The following JMJD1C variants were observed in gnomAD, a reference collection of about 807,000 sequenced individuals.
JMJD1C encodes the protein jumonji domain-containing protein 1C.
Under a neutral mutation model 245.3 loss-of-function variants are expected in JMJD1C, and 31 were observed. The ratio of observed to expected loss-of-function variants is 0.13; its 90% CI spans 0.09 to 0.17. JMJD1C has a LOEUF of 0.17. JMJD1C is among the 10% of genes least tolerant of loss of function. The pLI is 1.00. For missense variants in JMJD1C, 2,691 were observed against 3,000.2 expected (o/e 0.90, Z 2.41); for synonymous variants, 1,057 against 1,017.4 (o/e 1.04, Z -0.74).
chr10:63,373,559 C>T (rs2134446735), intron 2 of JMJD1C, among the ~76,000 whole-genome samples: 1 of 152,140 alleles, frequency 6.6e-6, no homozygotes, highest in African/African-American at 2.4e-5. Flanking sequence ...AAACAAGTAC[C>T]ACACGAGGAG....
At chr10:63,421,353 T>TC (rs1950116142) in intron 1 of JMJD1C, among the ~76,000 whole-genome samples, 1 of 152,018 alleles carries the variant, frequency 6.6e-6, no homozygotes. Flanking sequence ...GATGTAAACT[T>TC]AAGATGGCAA....
intron 2 of JMJD1C, among the ~76,000 whole-genome samples, chr10:63,287,510 C>T (rs78592316): frequency 0.03 from 4,552 of 152,102 alleles, 101 homozygotes; most frequent in Non-Finnish European, 0.045. Context: ...CCAAGTGATA[C>T]GGATAGTGAA....
intron 1 of JMJD1C, among the ~76,000 whole-genome samples, chr10:63,387,635 T>TTTTC (rs1947726470): frequency 9.3e-6 from 1 of 106,964 alleles, no homozygotes; most frequent in Non-Finnish European, 1.9e-5. Context: ...AAAAATTTTT[T>TTTTC]TTTTTTTTTT....
intron 3 of JMJD1C, among the ~76,000 whole-genome samples, chr10:63,257,621 C>A (rs1042496357): frequency 3.3e-5 from 5 of 152,104 alleles, no homozygotes; most frequent in Non-Finnish European, 7.3e-5. Context: ...AATTTTGTAC[C>A]TTATTGAATA....
In JMJD1C at chr10:63,176,348, A is replaced by T. The variant is rs780913996; in HGVS notation, c.7350T>A (p.Leu2450=). 6.2e-7 allele frequency: 1 copy of T among 1,614,046 alleles called. No homozygotes were observed. The highest frequency in any genetic ancestry group is 1.1e-5 in the South Asian group (1 of 91,082). The part of the protein sequence containing the change: ...LEEYGVRTCT[L]IQFLGDAIVL... ...CAATAGCATCACCAAGGAACTGAAT[A>T]AGAGTACAGGTTCTGACTCCATATT... Residue 2450 remains leucine (L), a synonymous_variant, in exon 24 of 26, where the codon CTT becomes CTA. Transcript: ENST00000399262.
intron 3 of JMJD1C, chr10:63,222,064 A>G (rs978528312): frequency 1.9e-5 from 9 of 474,162 alleles, no homozygotes; most frequent in African/African-American, 1.4e-4. Context: ...CTATTTTCAG[A>G]TATCTCTGAC....
intron 1 of JMJD1C, among the ~76,000 whole-genome samples, chr10:63,499,104 T>C (rs1297055465): frequency 1.3e-5 from 2 of 152,232 alleles, no homozygotes; most frequent in African/African-American, 2.4e-5. Flanking sequence ...ATATACCACA[T>C]TTCCTTTATT....
intron 2 of JMJD1C, among the ~76,000 whole-genome samples, chr10:63,295,760 T>C (rs1167081683): frequency 3.3e-5 from 5 of 151,910 alleles, no homozygotes; most frequent in East Asian, 1.9e-4. Context: ...AATTAGTAAA[T>C]ACTGAGCTAC....
chr10:63,430,261 T>C (rs1277484822), intron 1 of JMJD1C, among the ~76,000 whole-genome samples: 1 of 152,182 alleles, frequency 6.6e-6, no homozygotes, highest in Non-Finnish European at 1.5e-5. Context: ...CATATAAGAA[T>C]ATCTTTGTGA....
chr10:63,334,485 G>GT (rs1361436656), intron 2 of JMJD1C, among the ~76,000 whole-genome samples: 1 of 152,086 alleles, frequency 6.6e-6, no homozygotes, highest in Non-Finnish European at 1.5e-5. Context: ...ACTTTGGGAG[G>GT]TCTAGGCAGG....
intron 3 of JMJD1C, among the ~76,000 whole-genome samples, chr10:63,236,207 T>C (rs756406754): frequency 6.6e-6 from 1 of 152,198 alleles, no homozygotes; most frequent in Non-Finnish European, 1.5e-5. Context: ...TAATAGGGTT[T>C]CTTGGTTGAT....
At chr10:63,305,629 CGTGTGT>C (rs36038855) in intron 2 of JMJD1C, among the ~76,000 whole-genome samples, 4,077 of 121,698 alleles carry the variant, frequency 0.034, 74 homozygotes, top group South Asian at 0.067. Flanking sequence ...ACCATGCTGG[CGTGTGT>C]GTGTGTGTGT....
intron 1 of JMJD1C, among the ~76,000 whole-genome samples, chr10:63,384,935 G>C (rs1040692796): frequency 5.9e-5 from 9 of 152,182 alleles, no homozygotes; most frequent in African/African-American, 2.2e-4. Flanking sequence ...TTTGTGCTCT[G>C]TCTTGGCTTT....
intron 2 of JMJD1C, among the ~76,000 whole-genome samples, chr10:63,272,577 T>C (rs773923844): frequency 6.6e-6 from 1 of 152,206 alleles, no homozygotes; most frequent in African/African-American, 2.4e-5. Flanking sequence ...CGAAGTGTTT[T>C]TAATAATGTT....
At chr10:63,197,733 G>C (rs1361784911) in intron 12 of JMJD1C, among the ~76,000 whole-genome samples, 170 bp from the exon 13 acceptor site, 1 of 152,160 alleles carries the variant, frequency 6.6e-6, no homozygotes, top group African/African-American at 2.4e-5. Context: ...CTCTTTAGAA[G>C]ACCCATAAAT....
chr10:63,181,485 T>C (rs55792728), intron 22 of JMJD1C, among the ~76,000 whole-genome samples: 3,234 of 152,224 alleles, frequency 0.021, 114 homozygotes, highest in African/African-American at 0.072. Flanking sequence ...AAAAGACACA[T>C]GGCAGATGGA....
chr10:63,314,940 G>A (rs1232061379), intron 2 of JMJD1C, among the ~76,000 whole-genome samples: 1 of 145,284 alleles, frequency 6.9e-6, no homozygotes, highest in Admixed American at 7.0e-5. Context: ...TGAGTTCACT[G>A]TGCCCAGCCT....
At chr10:63,204,199 T>C in intron 10 of JMJD1C, 1 of 985,310 alleles carries the variant, frequency 1.0e-6, no homozygotes, top group Non-Finnish European at 1.2e-6. Flanking sequence ...CCACAATTAA[T>C]AGATGACATC....
chr10:63,519,854 T>C (rs1269216473), intron 1 of JMJD1C, among the ~76,000 whole-genome samples: 1 of 152,214 alleles, frequency 6.6e-6, no homozygotes, highest in African/African-American at 2.4e-5. Context: ...TGTAAAGCTA[T>C]TTCAGGACCT....
Sources: allele counts gnomAD v4.1 joint callset (sites outside exome capture counted in the v4.1 genomes callset), GRCh38; gene constraint gnomAD v4.1.1; transcripts MANE v1.5; gene names NCBI Gene and HGNC (gene_info 2026-07-23, HGNC 2026-07-21).